CDH18: variants seen among roughly 807,000 people sequenced by gnomAD.
The protein encoded by CDH18 is cadherin 18.
A neutral mutation model predicts 67.9 loss-of-function variants in CDH18; 31 were observed. The ratio of observed to expected loss-of-function variants is 0.46; its 90% CI spans 0.34 to 0.62. CDH18 has a LOEUF of 0.62. Among genes scored for constraint, CDH18 ranks in the 20% least tolerant of loss-of-function variants. The probability of loss-of-function intolerance (pLI) is 0.01; values close to 1 mark genes in which losing one functional copy is unlikely to be tolerated. For missense variants in CDH18, 890 were observed against 975.5 expected (o/e 0.91, Z 1.17); for synonymous variants, 362 against 347.2 (o/e 1.04, Z -0.48).
chr5:19,703,711 C>T (rs1763576075), intron 5 of CDH18, among the ~76,000 whole-genome samples: 1 of 151,820 alleles, frequency 6.6e-6, no homozygotes, highest in South Asian at 2.1e-4. Context: ...TTAGGACACA[C>T]ACACCCCCTG....
intron 2 of CDH18, among the ~76,000 whole-genome samples, chr5:19,959,395 C>T (rs1379935358): frequency 1.3e-5 from 2 of 151,806 alleles, no homozygotes; most frequent in East Asian, 3.9e-4. Context: ...ATAAGGGGTA[C>T]AATATTAAAA....
intron 11 of CDH18, among the ~76,000 whole-genome samples, chr5:19,496,202 C>G (rs941381667): frequency 2.0e-5 from 3 of 152,108 alleles, no homozygotes; most frequent in Admixed American, 2.0e-4. Flanking sequence ...GGGTCATCTT[C>G]TAAAAACAGA....
intron 2 of CDH18, among the ~76,000 whole-genome samples, chr5:20,027,517 T>C (rs1363777051): frequency 1.3e-5 from 2 of 152,226 alleles, no homozygotes; most frequent in Non-Finnish European, 2.9e-5. Context: ...CTGGATGCTC[T>C]ACCTATATTA....
intron 2 of CDH18, among the ~76,000 whole-genome samples, chr5:19,852,057 T>C (rs923619040): frequency 2.6e-5 from 4 of 152,080 alleles, no homozygotes; most frequent in African/African-American, 7.2e-5. Context: ...TTGTATCATG[T>C]CAACTTCATA....
At chr5:20,471,983 T>TCCCTTATC (rs1462618714) in intron 1 of CDH18, among the ~76,000 whole-genome samples, 3 of 120 alleles carry the variant, frequency 0.025, no homozygotes, top group East Asian at 0.17. Context: ...CCAAAATAAA[T>TCCCTTATC]TCACTGAACT....
chr5:19,895,686 A>G (rs1431933025), intron 2 of CDH18, among the ~76,000 whole-genome samples: 1 of 152,222 alleles, frequency 6.6e-6, no homozygotes, highest in Non-Finnish European at 1.5e-5. Context: ...CAATAAGAAA[A>G]TAGACTATTT....
chr5:20,462,679 C>T lies in CDH18; in HGVS notation c.-580+112783G>A, dbSNP rs182965116. Among the ~76,000 whole-genome samples the T allele has an allele frequency of 7.9e-5, 12 of 152,132 alleles. No homozygotes were observed. The East Asian group carries it at 2.3e-3, about 29-fold the overall frequency. On this transcript the variant is annotated intron_variant, in intron 1 of 14. Transcript: ENST00000507958. ...AGTTGTTATAAATGCATACCATATG[C>T]CTGTTGCTGTTAAAGAATTTTGTTT...
chr5:19,898,172 C>T (rs980639318), intron 2 of CDH18, among the ~76,000 whole-genome samples: 2 of 151,730 alleles, frequency 1.3e-5, no homozygotes, highest in Non-Finnish European at 2.9e-5. Flanking sequence ...GTATTATTTT[C>T]TCTATGTTAT....
intron 2 of CDH18, among the ~76,000 whole-genome samples, chr5:19,966,188 A>G (rs1911864): frequency 0.59 from 90,022 of 151,952 alleles, 26,952 homozygotes; most frequent in Middle Eastern, 0.73. Context: ...GAGGTTATTC[A>G]TCATTAAAAC....
At chr5:19,615,662 G>A (rs1749703239) in intron 5 of CDH18, among the ~76,000 whole-genome samples, 1 of 152,116 alleles carries the variant, frequency 6.6e-6, no homozygotes. Flanking sequence ...AAAAAGAATA[G>A]TTTCACTGCT....
chr5:19,881,189 GA>G (rs1787599122), intron 2 of CDH18, among the ~76,000 whole-genome samples: 1 of 152,128 alleles, frequency 6.6e-6, no homozygotes, highest in Admixed American at 6.6e-5. Flanking sequence ...TGGAAACAAG[GA>G]AAAGGGAAGA....
intron 3 of CDH18, among the ~76,000 whole-genome samples, chr5:19,813,153 T>TG (rs1316369791): frequency 1.3e-5 from 2 of 151,892 alleles, no homozygotes; most frequent in Non-Finnish European, 2.9e-5. Flanking sequence ...GGTGGGGGAC[T>TG]GGGGGAGTGA....
intron 2 of CDH18, among the ~76,000 whole-genome samples, chr5:20,018,833 C>T (rs1425892939): frequency 2.1e-5 from 3 of 140,226 alleles, no homozygotes; most frequent in African/African-American, 5.6e-5. Context: ...TTCGCTCTGT[C>T]GCCCAGGCTG....
chr5:20,161,111 A>T (rs552457550), intron 2 of CDH18, among the ~76,000 whole-genome samples: 23 of 152,320 alleles, frequency 1.5e-4, no homozygotes, highest in African/African-American at 5.5e-4. Flanking sequence ...GGCCATTTAC[A>T]TAAAAATTTT....
intron 2 of CDH18, among the ~76,000 whole-genome samples, chr5:19,867,685 TATA>T (rs1424082029): frequency 6.6e-6 from 1 of 151,948 alleles, no homozygotes; most frequent in African/African-American, 2.4e-5. Context: ...GCATAATATG[TATA>T]ATAAGATATG....
intron 2 of CDH18, among the ~76,000 whole-genome samples, chr5:19,975,055 A>C (rs573251002): frequency 5.1e-4 from 77 of 152,310 alleles, no homozygotes; most frequent in Non-Finnish European, 9.7e-4. Context: ...TGATTACTAC[A>C]TGTTGAGGTT....
chr5:20,435,722 C>T (rs925424364), intron 1 of CDH18, among the ~76,000 whole-genome samples: 6 of 151,968 alleles, frequency 3.9e-5, no homozygotes, highest in Admixed American at 1.3e-4. Flanking sequence ...GCAAATTCAA[C>T]ACCAGGAGTG....
At chr5:19,641,652 A>G (rs545154471) in intron 5 of CDH18, among the ~76,000 whole-genome samples, 185 of 152,146 alleles carry the variant, frequency 1.2e-3, no homozygotes, top group African/African-American at 4.4e-3. Flanking sequence ...TTCTCTCAAC[A>G]AAATAGGTAT....
At chr5:19,824,025 G>A (rs1302170907) in intron 3 of CDH18, among the ~76,000 whole-genome samples, 3 of 151,062 alleles carry the variant, frequency 2.0e-5, no homozygotes, top group Non-Finnish European at 4.4e-5. Context: ...CACAACTAGG[G>A]GAAATAGAAA....
Sources: gnomAD v4.1 joint callset for allele counts (sites outside exome capture counted in the v4.1 genomes callset) on GRCh38, gnomAD v4.1.1 for gene constraint, MANE v1.5 for transcripts, NCBI Gene and HGNC (gene_info 2026-07-23, HGNC 2026-07-21) for gene names.